The following PTPRK variants were observed in gnomAD, a reference collection of about 807,000 sequenced individuals.
PTPRK encodes protein tyrosine phosphatase receptor type K, also known as receptor-type tyrosine-protein phosphatase kappa.
PTPRK carries 75 observed loss-of-function variants against 178.0 expected under a neutral mutation model. That is an observed-to-expected ratio of 0.42 (90% CI 0.35 to 0.51). PTPRK has a LOEUF of 0.51. Among genes scored for constraint, PTPRK ranks in the 20% least tolerant of loss-of-function variants. PTPRK has a pLI of 0.02. For missense variants in PTPRK, 1,441 were observed against 1,797.8 expected, an observed-to-expected ratio of 0.80 and a Z score of 3.59; for synonymous variants, 637 against 620.6, an observed-to-expected ratio of 1.03 and a Z score of -0.39.
chr6:128,078,727 T>C lies in PTPRK; in HGVS notation c.1883+86A>G, dbSNP rs1784286719. On this transcript the variant is annotated intron_variant, in intron 11 of 29. Coordinates refer to ENST00000368226, the MANE Select transcript of PTPRK (RefSeq NM_002844.4). ...AGTACAGTCTGTATAGGGTTTGTTA[T>C]CATCTCTGGTTTTAGGCATACTTGG... 3.3e-6 allele frequency: 3 copies of C among 903,644 alleles called. No homozygotes were observed. The East Asian group carries it at 7.3e-5, about 22-fold the overall frequency. 56.0% of individuals were successfully genotyped at this position (903,644 alleles called of 1,614,324 possible).
intron 1 of PTPRK, among the ~76,000 whole-genome samples, chr6:128,465,851 C>A (rs1215888033): frequency 6.6e-6 from 1 of 152,116 alleles, no homozygotes; most frequent in Non-Finnish European, 1.5e-5. Context: ...TCCCACTAAC[C>A]CACCCCAGGA....
At chr6:128,214,305 A>G (rs570516374) in intron 6 of PTPRK, among the ~76,000 whole-genome samples, 5 of 152,206 alleles carry the variant, frequency 3.3e-5, no homozygotes, top group African/African-American at 1.2e-4. Flanking sequence ...CTGATTACCT[A>G]TGATTCATAC....
chr6:128,083,716 T>C lies in PTPRK; in HGVS notation c.1574A>G (p.Glu525Gly). 6.4e-7 allele frequency: 1 copy of C among 1,563,968 alleles called. No individual in the cohort carries two copies. Among genetic ancestry groups the C allele is most frequent in the Non-Finnish European group, 8.8e-7 (1 of 1,140,936 alleles). The change falls in exon 9 of 30, where the codon GAG becomes GGG. Residue 525 changes from glutamate to glycine, a missense_variant and splice_region_variant. Glu to Gly is a moderately conservative substitution (Grantham distance 98). Around this residue, in one of 4 missense-constraint regions of PTPRK, gnomAD observed 945 missense variants for 1,080.6 expected, o/e 0.87. Coordinates refer to ENST00000368226, the MANE Select transcript of PTPRK (RefSeq NM_002844.4). ...LDPNGIITQY[E>G]ISYSSIRSFD... ...TTAACTTCCTTGTTCTCCCAATACC[T>C]CATATTGAGTGATGATTCCATTTGG...
chr6:128,420,412 T>C (rs1843350201), intron 1 of PTPRK, among the ~76,000 whole-genome samples: 1 of 152,220 alleles, frequency 6.6e-6, no homozygotes, highest in South Asian at 2.1e-4. Flanking sequence ...TTCTTTAATC[T>C]GTGAATCAAC....
At chr6:128,484,296 T>C (rs1852513885) in intron 1 of PTPRK, among the ~76,000 whole-genome samples, 1 of 152,166 alleles carries the variant, frequency 6.6e-6, no homozygotes, top group Non-Finnish European at 1.5e-5. Context: ...CCAACCCTTC[T>C]TTTTACTTCC....
chr6:128,038,662 T>A (rs1328130991), intron 13 of PTPRK, among the ~76,000 whole-genome samples: 1 of 152,160 alleles, frequency 6.6e-6, no homozygotes, highest in African/African-American at 2.4e-5. Context: ...CTTAAAGACA[T>A]TCCAAAGCAA....
At position 128,517,068 on chromosome 6, in the gene PTPRK, AAAC is replaced by A. The variant is rs557121114; in HGVS notation, c.100+3188_100+3190del. On this transcript the variant is annotated intron_variant, in intron 1 of 29. Coordinates refer to ENST00000368226, the MANE Select transcript of PTPRK (RefSeq NM_002844.4). ...ATTAAATGAATGACTGGCTGAGTGA[AAAC>A]ACACACACACATGCACACACACACG... Among the ~76,000 whole-genome samples the A allele has an allele frequency of 1.3e-4, 20 of 151,798 alleles. No homozygotes were observed. In the South Asian group the frequency reaches 4.0e-3, roughly 30 times the overall value.
At chr6:128,001,234 C>T in intron 15 of PTPRK, 2 of 1,519,404 alleles carry the variant, frequency 1.3e-6, no homozygotes, top group Non-Finnish European at 1.8e-6. Flanking sequence ...CAGTAAAACA[C>T]AAAAACCAAA....
intron 13 of PTPRK, among the ~76,000 whole-genome samples, chr6:128,025,316 A>G (rs915509600): frequency 1.3e-5 from 2 of 152,208 alleles, no homozygotes; most frequent in African/African-American, 4.8e-5. Context: ...TGTTATATGA[A>G]GATTATTTCA....
chr6:128,304,742 G>T (rs369043608), intron 3 of PTPRK, among the ~76,000 whole-genome samples: 7 of 152,152 alleles, frequency 4.6e-5, no homozygotes, highest in Non-Finnish European at 1.0e-4. Flanking sequence ...TCAGTAGAAC[G>T]CTAAATTCCC....
chr6:128,159,917 T>C (rs1798458564), intron 7 of PTPRK, among the ~76,000 whole-genome samples: 1 of 151,686 alleles, frequency 6.6e-6, no homozygotes, highest in African/African-American at 2.4e-5. Flanking sequence ...GCAAAAGGTC[T>C]AAAAACAGGT....
At chr6:128,470,563 GAACTTGGTGTTGA>G (rs1850488184) in intron 1 of PTPRK, among the ~76,000 whole-genome samples, 1 of 151,884 alleles carries the variant, frequency 6.6e-6, no homozygotes, top group Non-Finnish European at 1.5e-5. Flanking sequence ...TCAAGTAAGA[GAACTTGGTGTTGA>G]AACTTAGAAA....
In PTPRK at chr6:128,299,760, A is replaced by G. The variant is rs529451122; in HGVS notation, c.495+22279T>C. The stretch of plus-strand genomic sequence containing the variant: ...AGACTTAAACGTTAGACCTAAAACC[A>G]TAAAAACCCCAGAAGAAAACCTAGG... On this transcript the variant is annotated intron_variant, in intron 3 of 29. Coordinates refer to ENST00000368226, the MANE Select transcript of PTPRK (RefSeq NM_002844.4). Among the ~76,000 whole-genome samples the G allele has an allele frequency of 1.2e-4, 19 of 152,350 alleles. 1 individual carries two copies. Among genetic ancestry groups the G allele is most frequent in the African/African-American group, 4.6e-4 (19 of 41,576 alleles).
In PTPRK at chr6:128,218,195, A is replaced by G. The variant is rs116585553; in HGVS notation, c.868+727T>C. Among the ~76,000 whole-genome samples the G allele has an allele frequency of 6.6e-3, 998 of 152,310 alleles. 10 individuals carry two copies. Among genetic ancestry groups the G allele is most frequent in the African/African-American group, 0.023 (944 of 41,560 alleles). Reference sequence around the variant, plus strand: ...TATATAGTCTGCCTAACATAATTCAATATGATGCTCCATGTGGGTAGGGAC... The same window carrying G: ...TATATAGTCTGCCTAACATAATTCAGTATGATGCTCCATGTGGGTAGGGAC... On this transcript the variant is annotated intron_variant, in intron 6 of 29. Transcript: ENST00000368226.
At chr6:128,218,867 C>T (rs1809852391) in intron 6 of PTPRK, 55 bp downstream of exon 6, 28 of 1,442,438 alleles carry the variant, frequency 1.9e-5, no homozygotes, top group Middle Eastern at 1.8e-4. Flanking sequence ...TACAGAGTTG[C>T]TTTTGTTCTA....
intron 23 of PTPRK, 69 bp from the exon 24 acceptor site, chr6:127,983,049 A>C: frequency 6.8e-7 from 1 of 1,474,462 alleles, no homozygotes; most frequent in Non-Finnish European, 9.2e-7. Flanking sequence ...CAAAGTTAGG[A>C]AATACAGAAA....
At chr6:128,514,525 C>A (rs897051609) in intron 1 of PTPRK, among the ~76,000 whole-genome samples, 2 of 152,118 alleles carry the variant, frequency 1.3e-5, no homozygotes, top group Non-Finnish European at 2.9e-5. Context: ...TAAAACAATT[C>A]CTAGAATGAC....
intron 3 of PTPRK, among the ~76,000 whole-genome samples, chr6:128,271,663 C>T (rs1271205235): frequency 6.6e-6 from 1 of 152,044 alleles, no homozygotes; most frequent in Non-Finnish European, 1.5e-5. Context: ...ATTCACAAAA[C>T]CCTAGCAGCA....
intron 2 of PTPRK, among the ~76,000 whole-genome samples, chr6:128,350,303 G>C (rs1240888434): frequency 6.6e-6 from 1 of 152,174 alleles, no homozygotes; most frequent in Non-Finnish European, 1.5e-5. Context: ...TAATTTTAAA[G>C]CCTTCAGTGT....
Sources: allele counts gnomAD v4.1 joint callset (sites outside exome capture counted in the v4.1 genomes callset), GRCh38; gene constraint gnomAD v4.1.1; regional missense constraint gnomAD v4.1.1; transcripts MANE v1.5; gene names NCBI Gene and HGNC (gene_info 2026-07-23, HGNC 2026-07-21).